Variants in SUPT3H observed in about 807,000 individuals in gnomAD.
SUPT3H encodes the protein transcription initiation protein SPT3 homolog.
Under a neutral mutation model 44.3 loss-of-function variants are expected in SUPT3H, and 44 were observed. The observed-to-expected ratio is 0.99, with a 90% CI of 0.78 to 1.28. SUPT3H has a LOEUF of 1.28. SUPT3H is among the 50% of genes most tolerant of loss of function. The pLI, the probability that SUPT3H is intolerant of heterozygous loss-of-function variation, is 0.00. For missense variants in SUPT3H, 380 were observed against 387.1 expected, an observed-to-expected ratio of 0.98 and a Z score of 0.15; for synonymous variants, 124 against 125.6, an observed-to-expected ratio of 0.99 and a Z score of 0.09.
rs186985666 is a variant in SUPT3H at position 45,316,094 on chromosome 6, T to C, written c.101+49107A>G. On this transcript the variant is annotated intron_variant, in intron 2 of 10. Coordinates refer to ENST00000371459, the MANE Select transcript of SUPT3H (RefSeq NM_003599.4). ...CAGGAATGGAAAACCAAACATCGTA[T>C]GTTCTCACTGATATGTGGGAACTAA... 2.6e-3 allele frequency among the ~76,000 whole-genome samples: 389 copies of C among 152,322 alleles called. 3 individuals are homozygous for C. Among genetic ancestry groups the C allele is most frequent in the African/African-American group, 8.5e-3 (355 of 41,574 alleles).
intron 7 of SUPT3H, among the ~76,000 whole-genome samples, chr6:44,956,507 A>T (rs1389618448): frequency 7.1e-6 from 1 of 140,500 alleles, no homozygotes; most frequent in Non-Finnish European, 1.5e-5. Context: ...TAAAAATAAA[A>T]AAAAAAAAGT....
intron 10 of SUPT3H, among the ~76,000 whole-genome samples, chr6:44,862,429 C>A (rs902724372): frequency 2.6e-5 from 4 of 152,016 alleles, no homozygotes; most frequent in Non-Finnish European, 4.4e-5. Context: ...GTAATTCCAG[C>A]ATTTTCGGAG....
intron 10 of SUPT3H, among the ~76,000 whole-genome samples, chr6:44,910,994 C>CAAAAAAAAAAA (rs34384511): frequency 1.6e-5 from 1 of 62,696 alleles, no homozygotes. Context: ...GACTCCATCT[C>CAAAAAAAAAAA]AAAAAAAAAA....
In SUPT3H at chr6:45,346,567, CTTTTT is replaced by C. The variant is rs71745024; in HGVS notation, c.101+18629_101+18633del. On this transcript the variant is annotated intron_variant, in intron 2 of 10. Transcript: ENST00000371459. ...TATAATAGGAATTCAATAAACATTT[CTTTTT>C]TTTTTTTTTTCTTGAGATAGGGTCT... Among the ~76,000 whole-genome samples the C allele has an allele frequency of 3.6e-5, 5 of 140,444 alleles. No homozygotes were observed. The East Asian group carries it at 8.3e-4, about 23-fold the overall frequency. The allele number at this position is 140,444 out of a possible 152,430, so 92.1% of individuals were successfully genotyped here.
chr6:45,375,036 G>T (rs1796588197), intron 1 of SUPT3H, among the ~76,000 whole-genome samples: 1 of 152,076 alleles, frequency 6.6e-6, no homozygotes, highest in African/African-American at 2.4e-5. Flanking sequence ...GTGAAACTCT[G>T]TCTCTACAAA....
chr6:44,915,942 G>T (rs777872665), intron 10 of SUPT3H, among the ~76,000 whole-genome samples: 2 of 152,128 alleles, frequency 1.3e-5, no homozygotes, highest in African/African-American at 2.4e-5. Context: ...ATCATGGGCC[G>T]TGGTTACTCA....
At chr6:45,228,593 GCA>G (rs1211888061) in intron 2 of SUPT3H, among the ~76,000 whole-genome samples, 4 of 151,538 alleles carry the variant, frequency 2.6e-5, no homozygotes, top group African/African-American at 4.8e-5. Flanking sequence ...CCGCGCGCGC[GCA>G]CACACACACA....
At chr6:45,117,792 T>C (rs1475848527) in intron 2 of SUPT3H, among the ~76,000 whole-genome samples, 1 of 152,104 alleles carries the variant, frequency 6.6e-6, no homozygotes, top group Non-Finnish European at 1.5e-5. Context: ...TTGTACTACA[T>C]AATATATTCC....
At chr6:45,047,991 C>T (rs999117778) in intron 3 of SUPT3H, among the ~76,000 whole-genome samples, 7 of 152,000 alleles carry the variant, frequency 4.6e-5, no homozygotes, top group Middle Eastern at 3.4e-3. Flanking sequence ...TTTACATCAT[C>T]GCCAAGGCTT....
intron 10 of SUPT3H, among the ~76,000 whole-genome samples, chr6:44,919,177 T>C (rs1768260816): frequency 6.6e-6 from 1 of 152,064 alleles, no homozygotes; most frequent in Admixed American, 6.5e-5. Flanking sequence ...TCAGGGGGCG[T>C]GGAAGAGCAA....
chr6:44,885,948 C>T (rs1249968053), intron 10 of SUPT3H, among the ~76,000 whole-genome samples: 1 of 152,026 alleles, frequency 6.6e-6, no homozygotes, highest in Non-Finnish European at 1.5e-5. Context: ...AAAGCCAAGG[C>T]ATGAGAACTA....
chr6:45,322,939 G>A, intron 2 of SUPT3H: 1 of 1,611,374 alleles, frequency 6.2e-7, no homozygotes, highest in Non-Finnish European at 8.5e-7. Flanking sequence ...AAAAGCCACA[G>A]TGCTACAGCT....
intron 9 of SUPT3H, among the ~76,000 whole-genome samples, chr6:44,938,254 T>C (rs1048859918): frequency 3.9e-5 from 6 of 152,116 alleles, no homozygotes; most frequent in African/African-American, 1.4e-4. Flanking sequence ...TTTTTGTATA[T>C]GATAAGAGAT....
At chr6:44,962,851 T>C (rs1241811897) in intron 6 of SUPT3H, among the ~76,000 whole-genome samples, 1 of 152,086 alleles carries the variant, frequency 6.6e-6, no homozygotes, top group Non-Finnish European at 1.5e-5. Context: ...CCGTGGTTCC[T>C]TCTAAGACCA....
intron 10 of SUPT3H, among the ~76,000 whole-genome samples, chr6:44,840,992 C>T (rs1770843040): frequency 6.6e-6 from 1 of 152,150 alleles, no homozygotes; most frequent in Non-Finnish European, 1.5e-5. Context: ...GAGAGTTTGG[C>T]TATGATAATG....
At chr6:44,858,308 G>A (rs1774074782) in intron 10 of SUPT3H, among the ~76,000 whole-genome samples, 2 of 152,132 alleles carry the variant, frequency 1.3e-5, no homozygotes, top group Admixed American at 1.3e-4. Flanking sequence ...TGTTACTAAT[G>A]ACTAAATTTA....
chr6:44,870,781 G>C (rs1228912050), intron 10 of SUPT3H, among the ~76,000 whole-genome samples: 2 of 150,860 alleles, frequency 1.3e-5, no homozygotes, highest in Non-Finnish European at 3.0e-5. Flanking sequence ...GCGCAGGCCA[G>C]TGTGTGCGCG....
chr6:45,300,374 G>T (rs1781958156), intron 2 of SUPT3H, among the ~76,000 whole-genome samples: 1 of 152,160 alleles, frequency 6.6e-6, no homozygotes, highest in Non-Finnish European at 1.5e-5. Flanking sequence ...TTTGAAAGAA[G>T]AGTATCCACA....
At chr6:44,954,169 C>T (rs185379679) in intron 8 of SUPT3H, among the ~76,000 whole-genome samples, 279 of 152,194 alleles carry the variant, frequency 1.8e-3, no homozygotes, top group African/African-American at 6.4e-3. Flanking sequence ...TTCTCACATA[C>T]GTAGAAAGGT....
Sources: gnomAD v4.1 joint callset for allele counts (sites outside exome capture counted in the v4.1 genomes callset) on GRCh38, gnomAD v4.1.1 for gene constraint, MANE v1.5 for transcripts, NCBI Gene and HGNC (gene_info 2026-07-23, HGNC 2026-07-21) for gene names.